UBTD1: variants seen among roughly 807,000 people sequenced by gnomAD.
UBTD1 encodes the protein ubiquitin domain-containing protein 1.
In UBTD1, 19 loss-of-function variants were observed where a neutral mutation model predicts 21.7. The observed-to-expected ratio is 0.87, with a 90% CI of 0.61 to 1.28. The LOEUF (loss-of-function observed/expected upper bound fraction) is 1.28. UBTD1 is among the 50% of genes most tolerant of loss of function. The pLI is 0.00. For synonymous variants in UBTD1, 116 were observed against 135.1 expected, an observed-to-expected ratio of 0.86 and a Z score of 0.98; for missense variants, 282 against 315.1, an observed-to-expected ratio of 0.89 and a Z score of 0.80.
chr10:97,566,240 C>T (rs928963031), intron 1 of UBTD1, among the ~76,000 whole-genome samples: 47 of 151,316 alleles, frequency 3.1e-4, no homozygotes, highest in Non-Finnish European at 5.6e-4. Context: ...CAGTAAAGCT[C>T]GTACTGCCTT....
intron 2 of UBTD1, 76 bp downstream of exon 2, chr10:97,568,217 T>A: frequency 6.7e-7 from 1 of 1,501,832 alleles, no homozygotes; most frequent in Non-Finnish European, 9.2e-7. Context: ...TGTTGAGGAG[T>A]GTGGAGCGGT....
intron 1 of UBTD1, among the ~76,000 whole-genome samples, chr10:97,519,599 T>C (rs2040458632): frequency 6.6e-6 from 1 of 152,190 alleles, no homozygotes; most frequent in Non-Finnish European, 1.5e-5. Flanking sequence ...TCTCTGGGGA[T>C]TGGGGCAAGT....
rs1207106510 is a variant in UBTD1, at chr10:97,499,116, C to G, written c.-88C>G. ...CGGGGAGCGCCCGATGCCGGGCGGC[C>G]GGAGCCATTGACCCGGGACGCCGCC... On this transcript the variant is annotated 5_prime_UTR_variant, in exon 1 of 3. Coordinates refer to ENST00000370664, the MANE Select transcript of UBTD1 (RefSeq NM_024954.5). 5.0e-6 allele frequency: 7 copies of G among 1,409,218 alleles called. No individual in the cohort carries two copies. The highest frequency in any genetic ancestry group is 4.7e-6 in the Non-Finnish European group (5 of 1,059,464). The allele number at this position is 1,409,218 out of a possible 1,614,324, so 87.3% of individuals were successfully genotyped here.
At chr10:97,502,856 C>CGTATATATACGTATATAT (rs1564733888) in intron 1 of UBTD1, among the ~76,000 whole-genome samples, 1 of 145,732 alleles carries the variant, frequency 6.9e-6, no homozygotes, top group African/African-American at 2.5e-5. Flanking sequence ...TACATATATA[C>CGTATATATACGTATATAT]GTATATATAC....
At chr10:97,551,484 T>C (rs2040637230) in intron 1 of UBTD1, among the ~76,000 whole-genome samples, 1 of 152,234 alleles carries the variant, frequency 6.6e-6, no homozygotes, top group South Asian at 2.1e-4. Flanking sequence ...CCCGTGCAGG[T>C]TGTATGCCTT....
chr10:97,519,998 G>T (rs2135663419), intron 1 of UBTD1, among the ~76,000 whole-genome samples: 1 of 152,304 alleles, frequency 6.6e-6, no homozygotes, highest in East Asian at 1.9e-4. Flanking sequence ...TACTAACTGG[G>T]ACCTTGTAGC....
intron 1 of UBTD1, among the ~76,000 whole-genome samples, chr10:97,551,476 C>T (rs540468949): frequency 1.2e-4 from 18 of 152,352 alleles, no homozygotes; most frequent in African/African-American, 3.4e-4. Context: ...GCTGCCTCCC[C>T]GTGCAGGTTG....
At chr10:97,518,563 C>T (rs1342668575) in intron 1 of UBTD1, among the ~76,000 whole-genome samples, 1 of 152,238 alleles carries the variant, frequency 6.6e-6, no homozygotes. Flanking sequence ...GAGCTGCCTG[C>T]TCTCTCCCAC....
chr10:97,513,944 A>G (rs1464792572), intron 1 of UBTD1, among the ~76,000 whole-genome samples: 2 of 151,518 alleles, frequency 1.3e-5, no homozygotes, highest in Admixed American at 1.3e-4. Context: ...ACTCCTGGCC[A>G]CAAGCACTTC....
intron 1 of UBTD1, among the ~76,000 whole-genome samples, chr10:97,535,746 T>A (rs2040557124): frequency 6.6e-6 from 1 of 151,758 alleles, no homozygotes; most frequent in African/African-American, 2.4e-5. Flanking sequence ...TGAGACCCCA[T>A]CTCTACAAAT....
chr10:97,555,369 T>C (rs1168026003), intron 1 of UBTD1, among the ~76,000 whole-genome samples: 1 of 152,246 alleles, frequency 6.6e-6, no homozygotes, highest in Non-Finnish European at 1.5e-5. Flanking sequence ...GTCTCCTTTC[T>C]GTCCCTCATA....
chr10:97,520,980 A>G (rs1052999436), intron 1 of UBTD1, among the ~76,000 whole-genome samples: 3 of 152,046 alleles, frequency 2.0e-5, no homozygotes, highest in Non-Finnish European at 2.9e-5. Context: ...TCTCTTCCAC[A>G]ATGTTCTATA....
At chr10:97,535,161 A>T (rs1406057061) in intron 1 of UBTD1, among the ~76,000 whole-genome samples, 4 of 152,202 alleles carry the variant, frequency 2.6e-5, no homozygotes, top group African/African-American at 4.8e-5. Context: ...AAACCAAGTC[A>T]CAGAGGCATC....
chr10:97,569,678 T>C (rs7919450), intron 2 of UBTD1, among the ~76,000 whole-genome samples: 145,534 of 152,258 alleles, frequency 0.96, 69,711 homozygotes, highest in East Asian at 0.99. Flanking sequence ...TGGTGCTGGC[T>C]GGTTCAGGTT....
intron 1 of UBTD1, among the ~76,000 whole-genome samples, chr10:97,555,371 T>C (rs187035580): frequency 9.3e-4 from 141 of 152,310 alleles, no homozygotes; most frequent in Non-Finnish European, 1.3e-4. Context: ...CTCCTTTCTG[T>C]CCCTCATATT....
intron 1 of UBTD1, among the ~76,000 whole-genome samples, chr10:97,514,855 G>GC (rs955468649): frequency 2.0e-5 from 3 of 152,102 alleles, no homozygotes; most frequent in African/African-American, 7.2e-5. Flanking sequence ...GGAGAGAATG[G>GC]CCCCCCAAAG....
intron 1 of UBTD1, among the ~76,000 whole-genome samples, chr10:97,547,570 T>A (rs2040617042): frequency 1.3e-5 from 2 of 152,282 alleles, no homozygotes; most frequent in Admixed American, 6.5e-5. Flanking sequence ...TTTCTTTTCT[T>A]TTCTTTTTTT....
At chr10:97,554,740 C>T (rs187145956) in intron 1 of UBTD1, among the ~76,000 whole-genome samples, 8 of 151,954 alleles carry the variant, frequency 5.3e-5, no homozygotes, top group East Asian at 3.9e-4. Flanking sequence ...TTTGTAGAGA[C>T]GAGTGGTCTT....
At chr10:97,562,028 A>G (rs1236930597) in intron 1 of UBTD1, among the ~76,000 whole-genome samples, 1 of 152,216 alleles carries the variant, frequency 6.6e-6, no homozygotes, top group East Asian at 1.9e-4. Context: ...AAACGAGTTC[A>G]GGCCATGATG....
Sources: gnomAD v4.1 joint callset for allele counts (sites outside exome capture counted in the v4.1 genomes callset) on GRCh38, gnomAD v4.1.1 for gene constraint, MANE v1.5 for transcripts, NCBI Gene and HGNC (gene_info 2026-07-23, HGNC 2026-07-21) for gene names.